Variants in DLGAP2 observed in about 807,000 individuals in gnomAD.
DLGAP2 encodes disks large-associated protein 2.
Under a neutral mutation model 100.3 loss-of-function variants are expected in DLGAP2, and 26 were observed. The observed-to-expected ratio is 0.26, with a 90% CI of 0.19 to 0.36. The LOEUF (loss-of-function observed/expected upper bound fraction) is 0.36. Ranked by LOEUF, DLGAP2 falls within the 10% of genes least tolerant of loss-of-function variation. DLGAP2 has a pLI of 1.00. For synonymous variants in DLGAP2, 886 were observed against 630.1 expected, an observed-to-expected ratio of 1.41 and a Z score of -6.08; for missense variants, 1,858 against 1,453.2, an observed-to-expected ratio of 1.28 and a Z score of -4.53.
At chr8:1,135,399 C>CT (rs1796384440) in intron 2 of DLGAP2, among the ~76,000 whole-genome samples, 1 of 151,624 alleles carries the variant, frequency 6.6e-6, no homozygotes, top group Non-Finnish European at 1.5e-5. Context: ...GGGAAAGAGC[C>CT]TTTGAGGGTG....
At chr8:1,597,237 T>A (rs1796485464) in intron 6 of DLGAP2, among the ~76,000 whole-genome samples, 1 of 152,232 alleles carries the variant, frequency 6.6e-6, no homozygotes, top group South Asian at 2.1e-4. Flanking sequence ...TCTGTTTTGA[T>A]ACTAGTACCA....
chr8:1,184,022 T>C (rs1182353584), intron 2 of DLGAP2, among the ~76,000 whole-genome samples: 2 of 152,250 alleles, frequency 1.3e-5, no homozygotes, highest in African/African-American at 4.8e-5. Context: ...TCACTGTTAA[T>C]ATTATATGAT....
intron 2 of DLGAP2, among the ~76,000 whole-genome samples, chr8:1,186,570 C>T (rs1411771376): frequency 2.0e-5 from 3 of 152,186 alleles, no homozygotes; most frequent in Non-Finnish European, 4.4e-5. Context: ...GTTATTACGG[C>T]CATTCCCTTT....
intron 2 of DLGAP2, among the ~76,000 whole-genome samples, chr8:941,602 T>C (rs1438343118): frequency 1.3e-5 from 2 of 152,186 alleles, no homozygotes; most frequent in African/African-American, 2.4e-5. Context: ...GCAGCTCTCA[T>C]CGTTCTGGAG....
chr8:771,611 T>G (rs1821362640), intron 1 of DLGAP2, among the ~76,000 whole-genome samples: 1 of 152,210 alleles, frequency 6.6e-6, no homozygotes, highest in South Asian at 2.1e-4. Context: ...CCAGGTGGTT[T>G]AGTTAAGAGT....
intron 3 of DLGAP2, among the ~76,000 whole-genome samples, chr8:1,360,016 C>G (rs1801943633): frequency 6.6e-6 from 1 of 152,122 alleles, no homozygotes; most frequent in African/African-American, 2.4e-5. Context: ...GCAAAGAATC[C>G]AAAGAAGAAC....
chr8:1,481,192 TA>T (rs1486670890), intron 3 of DLGAP2, among the ~76,000 whole-genome samples: 2 of 151,802 alleles, frequency 1.3e-5, no homozygotes, highest in Non-Finnish European at 2.9e-5. Flanking sequence ...AAAAAAATTT[TA>T]AAAACCATCA....
At chr8:1,509,456 ATATACGTCT>A (rs1372612174) in intron 4 of DLGAP2, among the ~76,000 whole-genome samples, 5 of 152,136 alleles carry the variant, frequency 3.3e-5, no homozygotes, top group Admixed American at 6.6e-5. Context: ...CTGATGTAAA[ATATACGTCT>A]TATTGTGGAA....
intron 3 of DLGAP2, among the ~76,000 whole-genome samples, chr8:1,382,692 T>C (rs938421013): frequency 2.0e-5 from 3 of 152,044 alleles, no homozygotes; most frequent in African/African-American, 7.2e-5. Context: ...CAGTGAGCCA[T>C]GATCGTGCCG....
chr8:1,636,486 A>C lies in DLGAP2; in HGVS notation c.1810+3440A>C, dbSNP rs1380064622. ...TCTATATTTCAGTACCTTGAATATA[A>C]GAGGTAGAATAACTGTTTTTCAATA... On this transcript the variant is annotated intron_variant, in intron 8 of 14. Coordinates refer to ENST00000637795, the MANE Select transcript of DLGAP2 (RefSeq NM_001346810.2). 2.0e-5 allele frequency among the ~76,000 whole-genome samples: 3 copies of C among 152,192 alleles called. No individual in the cohort carries two copies. The East Asian group carries it at 5.8e-4, about 29-fold the overall frequency.
rs1799612500 is a variant in DLGAP2 at position 1,702,912 on chromosome 8, T to C, written c.*1506T>C. Reference sequence around the variant, plus strand: ...TCCCGGCTTAAGGAGTACCATGTACTTAGCCACAGGCAGAATAGCTTTCGA... The same window carrying C: ...TCCCGGCTTAAGGAGTACCATGTACCTAGCCACAGGCAGAATAGCTTTCGA... On this transcript the variant is annotated 3_prime_UTR_variant, in exon 15 of 15. Coordinates refer to ENST00000637795, the MANE Select transcript of DLGAP2 (RefSeq NM_001346810.2). The C allele has an allele frequency of 6.5e-6, 1 of 152,694 alleles. No individual in the cohort carries two copies. The highest frequency in any genetic ancestry group is 6.5e-5 in the Admixed American group (1 of 15,288). 9.5% of individuals were successfully genotyped at this position (152,694 alleles called of 1,614,324 possible).
chr8:743,727 C>T (rs574577130), intron 1 of DLGAP2, among the ~76,000 whole-genome samples: 11 of 152,290 alleles, frequency 7.2e-5, no homozygotes, highest in Middle Eastern at 3.4e-3. Context: ...CCACACCCAG[C>T]TAATTTTTTG....
chr8:1,379,270 C>T (rs554496188), intron 3 of DLGAP2, among the ~76,000 whole-genome samples: 12 of 152,360 alleles, frequency 7.9e-5, no homozygotes, highest in Admixed American at 6.5e-4. Context: ...GGCACAGGCC[C>T]GAGGGCCACA....
intron 2 of DLGAP2, among the ~76,000 whole-genome samples, chr8:1,205,452 C>T (rs7464126): frequency 0.57 from 86,050 of 152,000 alleles, 26,724 homozygotes; most frequent in African/African-American, 0.83. Context: ...AAACACGTGA[C>T]GTCACAGCCT....
At chr8:1,544,440 A>T (rs554225732) in intron 4 of DLGAP2, among the ~76,000 whole-genome samples, 1 of 152,176 alleles carries the variant, frequency 6.6e-6, no homozygotes, top group African/African-American at 2.4e-5. Flanking sequence ...ATTGAGTATG[A>T]TGTTAGCTGT....
chr8:1,264,894 T>C (rs920903670), intron 3 of DLGAP2, among the ~76,000 whole-genome samples: 1 of 152,122 alleles, frequency 6.6e-6, no homozygotes, highest in African/African-American at 2.4e-5. Flanking sequence ...TGATAGTGAA[T>C]AAGCCTCATG....
chr8:898,695 C>T (rs948999964), intron 1 of DLGAP2, among the ~76,000 whole-genome samples: 9 of 152,184 alleles, frequency 5.9e-5, no homozygotes, highest in Non-Finnish European at 1.2e-4. Context: ...CCTGCATTCC[C>T]AGCTCTAAGA....
At chr8:1,241,984 A>G (rs1267121228) in intron 2 of DLGAP2, among the ~76,000 whole-genome samples, 1 of 152,174 alleles carries the variant, frequency 6.6e-6, no homozygotes, top group Non-Finnish European at 1.5e-5. Context: ...ATGGCCCGAG[A>G]TGGTCTCTGA....
intron 3 of DLGAP2, among the ~76,000 whole-genome samples, chr8:1,270,269 G>A (rs999503744): frequency 1.2e-4 from 19 of 152,180 alleles, no homozygotes; most frequent in Admixed American, 5.2e-4. Flanking sequence ...GATCAACAGA[G>A]GAGCAACGTC....
Sources: gnomAD v4.1 joint callset for allele counts (sites outside exome capture counted in the v4.1 genomes callset) on GRCh38, gnomAD v4.1.1 for gene constraint, MANE v1.5 for transcripts, NCBI Gene and HGNC (gene_info 2026-07-23, HGNC 2026-07-21) for gene names.